CNTNAP3B: variants seen among roughly 807,000 people sequenced by gnomAD.
CNTNAP3B encodes the protein contactin associated protein family member 3B.
In CNTNAP3B, 25 loss-of-function variants were observed where a neutral mutation model predicts 108.9. That is an observed-to-expected ratio of 0.23 (90% CI 0.17 to 0.32). The LOEUF is 0.32. Among genes scored for constraint, CNTNAP3B ranks in the 10% least tolerant of loss-of-function variants. CNTNAP3B has a pLI of 1.00. For missense variants in CNTNAP3B, 252 were observed against 1,210.4 expected (o/e 0.21, Z 11.75); for synonymous variants, 103 against 473.4 (o/e 0.22, Z 10.16).
chr9:42,003,372 G>T (rs1420677810), intron 4 of CNTNAP3B, among the ~76,000 whole-genome samples: 3 of 74,672 alleles, frequency 4.0e-5, no homozygotes, highest in Non-Finnish European at 6.1e-5. Flanking sequence ...AGATTCCATA[G>T]GGTGCAAACA....
rs2117999615 is a variant in CNTNAP3B at position 41,929,246 on chromosome 9, G to A, written c.2365+71C>T. ...CTATTCTCTTTCTGGCAAGAACAAG[G>A]GCATTTGTCTACCCCTTTATAACCA... On this transcript the variant is annotated intron_variant, in intron 15 of 23. Coordinates refer to ENST00000377561, the MANE Select transcript of CNTNAP3B (RefSeq NM_001201380.3). 12 of 1,443,464 alleles carry A rather than the reference G, an allele frequency of 8.3e-6. No individual in the cohort carries two copies. The East Asian group carries it at 2.6e-4, about 31-fold the overall frequency. The allele number at this position is 1,443,464 out of a possible 1,614,324, so 89.4% of individuals were successfully genotyped here. A position where few individuals can be genotyped will look rare whatever the true frequency, so the allele number is the denominator to read the frequency against.
At chr9:42,072,988 T>C (rs2874406) in intron 3 of CNTNAP3B, among the ~76,000 whole-genome samples, 59,590 of 137,512 alleles carry the variant, frequency 0.43, 17,400 homozygotes, top group East Asian at 0.72. Context: ...AAAATGCAAA[T>C]AGCCCCAAAG....
At position 41,983,163 on chromosome 9, in the gene CNTNAP3B, A is replaced by C. The variant is rs560651938; in HGVS notation, c.1477+3005T>G. 1.5e-5 allele frequency: 2 copies of C among 137,878 alleles called. 1 individual carries two copies. The highest frequency in any genetic ancestry group is 4.4e-4 in the East Asian group (2 of 4,536). The allele number at this position is 137,878 out of a possible 1,614,324, so 8.5% of individuals were successfully genotyped here. Reference sequence around the variant, plus strand: ...TTACATGCAATTTACCTATATAACAAACCTGCACATGTATACCTCTGAACC... The same window carrying C: ...TTACATGCAATTTACCTATATAACACACCTGCACATGTATACCTCTGAACC... On this transcript the variant is annotated intron_variant, in intron 9 of 23. Transcript: ENST00000377561.
intron 3 of CNTNAP3B, among the ~76,000 whole-genome samples, chr9:42,035,637 T>C (rs1327486737): frequency 1.3e-5 from 2 of 150,036 alleles, no homozygotes; most frequent in Admixed American, 6.6e-5. Flanking sequence ...GTGTTCATTA[T>C]CATTATTTTT....
In CNTNAP3B at chr9:42,123,996, A is replaced by T. The variant is rs1046519790; in HGVS notation, c.85+5014T>A. On this transcript the variant is annotated intron_variant, in intron 1 of 23. Coordinates refer to ENST00000377561, the MANE Select transcript of CNTNAP3B (RefSeq NM_001201380.3). The stretch of plus-strand genomic sequence containing the variant: ...TGTTTTTATACTCTCAAAAAATGTG[A>T]TTATACTTAATCAAAAGTAATTCAA... Among the ~76,000 whole-genome samples the T allele has an allele frequency of 1.7e-3, 217 of 130,422 alleles. 38 individuals are homozygous for T. The highest frequency in any genetic ancestry group is 6.7e-3 in the African/African-American group (214 of 31,886). 85.6% of individuals were successfully genotyped at this position (130,422 alleles called of 152,430 possible).
intron 12 of CNTNAP3B, among the ~76,000 whole-genome samples, chr9:41,955,982 T>G (rs560351638): frequency 4.6e-5 from 7 of 152,362 alleles, no homozygotes; most frequent in African/African-American, 1.7e-4. Context: ...AACACTTAAA[T>G]CAGCCCACAG....
At chr9:41,926,313 C>A (rs1159965333) in intron 15 of CNTNAP3B, among the ~76,000 whole-genome samples, 2 of 152,206 alleles carry the variant, frequency 1.3e-5, no homozygotes, top group Non-Finnish European at 2.9e-5. Context: ...CCCCTAGTCC[C>A]AGCTGCCCCA....
intron 2 of CNTNAP3B, among the ~76,000 whole-genome samples, chr9:42,082,898 G>C (rs1334583002): frequency 2.1e-5 from 3 of 139,684 alleles, no homozygotes; most frequent in Non-Finnish European, 3.1e-5. Flanking sequence ...GGCAATGATG[G>C]TCAGATTAGA....
intron 2 of CNTNAP3B, among the ~76,000 whole-genome samples, chr9:42,103,388 C>G (rs1828037479): frequency 8.3e-6 from 1 of 120,942 alleles, no homozygotes; most frequent in Admixed American, 8.6e-5. Flanking sequence ...TGCTCAAATA[C>G]AGAAAACACC....
intron 18 of CNTNAP3B, among the ~76,000 whole-genome samples, chr9:41,919,627 T>C (rs1444174022): frequency 6.6e-6 from 1 of 152,308 alleles, no homozygotes; most frequent in Admixed American, 6.5e-5. Flanking sequence ...TTAAAGTCAC[T>C]GTCACAAGGG....
chr9:41,937,058 T>C (rs1824179268), intron 14 of CNTNAP3B, among the ~76,000 whole-genome samples: 1 of 149,832 alleles, frequency 6.7e-6, no homozygotes, highest in Non-Finnish European at 1.5e-5. Flanking sequence ...AGCTATTTTA[T>C]GTCCAAATCA....
chr9:41,929,556 C>T, intron 14 of CNTNAP3B, 112 bp from the exon 15 acceptor site: 2 of 1,367,642 alleles, frequency 1.5e-6, no homozygotes, highest in Non-Finnish European at 2.0e-6. Context: ...TAACAGAATA[C>T]TTAACATTTT....
At chr9:42,087,216 T>G (rs1247402762) in intron 2 of CNTNAP3B, among the ~76,000 whole-genome samples, 1 of 139,318 alleles carries the variant, frequency 7.2e-6, no homozygotes, top group African/African-American at 2.8e-5. Context: ...ATTTCTAGAT[T>G]TCTTAGAAGA....
chr9:42,060,033 T>C (rs1217427091), intron 3 of CNTNAP3B, among the ~76,000 whole-genome samples: 2 of 151,028 alleles, frequency 1.3e-5, no homozygotes, highest in Non-Finnish European at 2.9e-5. Flanking sequence ...TCTTGTCTAA[T>C]TGTTCTGGAT....
intron 3 of CNTNAP3B, among the ~76,000 whole-genome samples, chr9:42,067,705 A>T (rs1309720344): frequency 6.4e-5 from 9 of 140,526 alleles, no homozygotes; most frequent in East Asian, 2.2e-4. Flanking sequence ...TGTAATATTT[A>T]AAAATCCACA....
In CNTNAP3B at chr9:42,021,958, C is replaced by T. The variant is rs924023503; in HGVS notation, c.391-8433G>A. 2.6e-4 allele frequency among the ~76,000 whole-genome samples: 31 copies of T among 119,924 alleles called. 2 individuals are homozygous for T. Among genetic ancestry groups the T allele is most frequent in the African/African-American group, 1.1e-3 (31 of 28,608 alleles). 78.7% of individuals were successfully genotyped at this position (119,924 alleles called of 152,430 possible). A position where few individuals can be genotyped will look rare whatever the true frequency, so the allele number is the denominator to read the frequency against. ...ACCTTCAAGTTGCCCTTAATCATTC[C>T]TGGGCTTAGGCAAGCCAACCGTGAG... On this transcript the variant is annotated intron_variant, in intron 3 of 23. Coordinates refer to ENST00000377561, the MANE Select transcript of CNTNAP3B (RefSeq NM_001201380.3).
chr9:41,929,182 T>C, intron 15 of CNTNAP3B, 135 bp downstream of exon 15: 2 of 1,358,350 alleles, frequency 1.5e-6, no homozygotes, highest in African/African-American at 1.5e-5. Context: ...TTATGGTATG[T>C]GTGTTTTCCT....
intron 1 of CNTNAP3B, among the ~76,000 whole-genome samples, chr9:42,110,476 G>A (rs945273743): frequency 7.5e-6 from 1 of 133,566 alleles, no homozygotes; most frequent in Non-Finnish European, 1.6e-5. Context: ...TATTATTAAA[G>A]AGTTCAACAG....
At chr9:41,965,619 A>G (rs2118235160) in intron 10 of CNTNAP3B, among the ~76,000 whole-genome samples, 1 of 150,948 alleles carries the variant, frequency 6.6e-6, no homozygotes, top group Admixed American at 6.6e-5. Flanking sequence ...GAAGATTCTA[A>G]AGGACACTGA....
Sources: gnomAD v4.1 joint callset for allele counts (sites outside exome capture counted in the v4.1 genomes callset) on GRCh38, gnomAD v4.1.1 for gene constraint, MANE v1.5 for transcripts, NCBI Gene and HGNC (gene_info 2026-07-23, HGNC 2026-07-21) for gene names.